Variants in HERC3 observed in about 807,000 individuals in gnomAD.
HERC3 encodes HECT and RLD domain containing E3 ubiquitin protein ligase 3, also known as probable E3 ubiquitin-protein ligase HERC3.
Under a neutral mutation model 129.9 loss-of-function variants are expected in HERC3, and 58 were observed. The ratio of observed to expected loss-of-function variants is 0.45; its 90% CI spans 0.36 to 0.56. The LOEUF is 0.56. Ranked by LOEUF, HERC3 falls within the 20% of genes least tolerant of loss-of-function variation. The pLI is 0.00. For missense variants in HERC3, 835 were observed against 1,244.2 expected (o/e 0.67, Z 4.95); for synonymous variants, 430 against 451.0 (o/e 0.95, Z 0.59).
At chr4:88,547,156 G>T in the HERC3 span, among the ~76,000 whole-genome samples, 1 of 152,070 alleles carries the variant, frequency 6.6e-6, no homozygotes, top group Non-Finnish European at 1.5e-5. Context: ...TATTAAACTA[G>T]TTGGCCTTAT....
At chr4:88,619,723 A>G (rs1278277446) in intron 3 of HERC3, among the ~76,000 whole-genome samples, 1 of 152,220 alleles carries the variant, frequency 6.6e-6, no homozygotes, top group Non-Finnish European at 1.5e-5. Flanking sequence ...CAAAGATTTC[A>G]TATTTCTAAT....
At chr4:88,689,341 C>CAAAAAAGTAAAAAAAAAAAAAA (rs1733813961) in intron 23 of HERC3, among the ~76,000 whole-genome samples, 1 of 126,494 alleles carries the variant, frequency 7.9e-6, no homozygotes, top group Non-Finnish European at 1.6e-5. Context: ...CAAGTCTCTA[C>CAAAAAAGTAAAAAAAAAAAAAA]AAAAAAGTAA....
chr4:88,533,537 C>T, the HERC3 span, among the ~76,000 whole-genome samples: 10 of 152,196 alleles, frequency 6.6e-5, no homozygotes, highest in Admixed American at 1.3e-4. Flanking sequence ...ACTACTATCC[C>T]CTGCCCTTTC....
At chr4:88,636,367 C>T (rs779091446) in intron 3 of HERC3, among the ~76,000 whole-genome samples, 6 of 152,214 alleles carry the variant, frequency 3.9e-5, no homozygotes, top group Middle Eastern at 6.8e-3. Context: ...ACAGAACAGA[C>T]TTTAAACCAA....
chr4:88,651,644 C>T (rs1304932056), intron 4 of HERC3, among the ~76,000 whole-genome samples: 1 of 152,194 alleles, frequency 6.6e-6, no homozygotes, highest in Non-Finnish European at 1.5e-5. Context: ...TTCTTTTCTA[C>T]AACTGATTGT....
the HERC3 span, among the ~76,000 whole-genome samples, chr4:88,548,785 C>T: frequency 1.3e-5 from 2 of 151,820 alleles, no homozygotes; most frequent in African/African-American, 4.8e-5. Context: ...CTCAGCCTTC[C>T]AAGTAGCTGG....
chr4:88,674,079 C>A (rs1239587052), intron 16 of HERC3, among the ~76,000 whole-genome samples: 2 of 152,170 alleles, frequency 1.3e-5, no homozygotes, highest in African/African-American at 4.8e-5. Flanking sequence ...CAATTTAACT[C>A]CTCCCCTTCT....
chr4:88,546,735 T>C, the HERC3 span, among the ~76,000 whole-genome samples: 12 of 152,226 alleles, frequency 7.9e-5, no homozygotes, highest in Admixed American at 5.2e-4. Flanking sequence ...GGCTCAATTG[T>C]GCAGATGATT....
intron 3 of HERC3, among the ~76,000 whole-genome samples, chr4:88,648,533 C>T (rs560553359): frequency 3.3e-5 from 5 of 152,102 alleles, no homozygotes; most frequent in Admixed American, 6.5e-5. Context: ...TTACAGTTTT[C>T]GGTGTTGCTT....
At chr4:88,673,976 GTC>G (rs1731884019) in intron 16 of HERC3, among the ~76,000 whole-genome samples, 2 of 152,162 alleles carry the variant, frequency 1.3e-5, no homozygotes, top group South Asian at 4.1e-4. Flanking sequence ...TCTGGGCAGT[GTC>G]TCTCTGGCTT....
chr4:88,696,472 A>G (rs1189933861), intron 23 of HERC3: 2 of 151,988 alleles, frequency 1.3e-5, no homozygotes, highest in Non-Finnish European at 2.9e-5. Context: ...GTTTGTAAAT[A>G]GACAGTACTA....
chr4:88,654,962 G>A (rs1156549065), intron 7 of HERC3, among the ~76,000 whole-genome samples: 2 of 152,176 alleles, frequency 1.3e-5, no homozygotes, highest in Non-Finnish European at 2.9e-5. Flanking sequence ...ATTCCTTTGA[G>A]CATTGCTATC....
At chr4:88,629,862 G>A (rs1726544620) in intron 3 of HERC3, among the ~76,000 whole-genome samples, 1 of 152,134 alleles carries the variant, frequency 6.6e-6, no homozygotes, top group African/African-American at 2.4e-5. Context: ...TAAAGAATTG[G>A]AGTGGTGAGT....
chr4:88,624,841 A>G (rs974182894), intron 3 of HERC3, among the ~76,000 whole-genome samples: 2 of 152,142 alleles, frequency 1.3e-5, no homozygotes, highest in Non-Finnish European at 2.9e-5. Context: ...TAGCTCTTAC[A>G]TTTAGGCCTA....
the HERC3 span, among the ~76,000 whole-genome samples, chr4:88,552,708 TA>T: frequency 2.0e-5 from 3 of 152,214 alleles, no homozygotes; most frequent in African/African-American, 7.2e-5. Flanking sequence ...AACAGCATAA[TA>T]AAATCTGATT....
chr4:88,678,704 T>A (rs1056493495), intron 19 of HERC3, among the ~76,000 whole-genome samples: 6 of 152,224 alleles, frequency 3.9e-5, no homozygotes, highest in African/African-American at 1.4e-4. Flanking sequence ...TTGTTTAAAG[T>A]CATTCATCTT....
chr4:88,620,138 T>C (rs1725354347), intron 3 of HERC3, among the ~76,000 whole-genome samples: 2 of 152,210 alleles, frequency 1.3e-5, no homozygotes, highest in Non-Finnish European at 2.9e-5. Context: ...GCAATGCTGT[T>C]AATGGCAAAA....
chr4:88,547,531 G>T, the HERC3 span, among the ~76,000 whole-genome samples: 1 of 152,158 alleles, frequency 6.6e-6, no homozygotes, highest in Middle Eastern at 3.4e-3. Context: ...CACTCCACTC[G>T]CAGCCCTAGG....
chr4:88,524,853 G>A, the HERC3 span: 1 of 149,668 alleles, frequency 6.7e-6, no homozygotes, highest in Non-Finnish European at 1.5e-5. Context: ...CTTTTTTTTT[G>A]CATCACTGGG....
Sources: allele counts gnomAD v4.1 joint callset (sites outside exome capture counted in the v4.1 genomes callset), GRCh38; gene constraint gnomAD v4.1.1; transcripts MANE v1.5; gene names NCBI Gene and HGNC (gene_info 2026-07-23, HGNC 2026-07-21).